The following DCC variants were observed in gnomAD, a reference collection of about 807,000 sequenced individuals.
The protein encoded by DCC is netrin receptor DCC.
DCC carries 58 observed loss-of-function variants against 172.5 expected under a neutral mutation model. That is an observed-to-expected ratio of 0.34 (90% CI 0.27 to 0.42). The LOEUF (loss-of-function observed/expected upper bound fraction) is 0.42. Ranked by LOEUF, DCC falls within the 10% of genes least tolerant of loss-of-function variation. DCC has a pLI of 1.00. For missense variants in DCC, 1,740 were observed against 1,791.0 expected, an observed-to-expected ratio of 0.97 and a Z score of 0.51; for synonymous variants, 709 against 644.5, an observed-to-expected ratio of 1.10 and a Z score of -1.52.
Position 52,642,939 on chromosome 18 carries a change from C to T in DCC, c.92-109115C>T, listed in dbSNP as rs77372979. Among the ~76,000 whole-genome samples, 1,435 of 152,316 alleles carry T rather than the reference C, an allele frequency of 9.4e-3. 23 individuals carry two copies. The highest frequency in any genetic ancestry group is 0.033 in the African/African-American group (1,379 of 41,580). On this transcript the variant is annotated intron_variant, in intron 1 of 28. Transcript: ENST00000442544. ...AAGTGCTGGGATTACAGGCATGAGA[C>T]GTTGCACCTAGCCCTAATAAGATTT...
chr18:53,422,124 A>T (rs1296882856), intron 21 of DCC, among the ~76,000 whole-genome samples: 1 of 152,172 alleles, frequency 6.6e-6, no homozygotes, highest in Non-Finnish European at 1.5e-5. Context: ...GTCTTGTGAG[A>T]CTAAACCCAA....
chr18:52,402,086 T>C (rs933342306), intron 1 of DCC, among the ~76,000 whole-genome samples: 6 of 151,984 alleles, frequency 3.9e-5, no homozygotes, highest in African/African-American at 1.4e-4. Flanking sequence ...CATGTACAAT[T>C]CAGTGCCCAT....
intron 1 of DCC, among the ~76,000 whole-genome samples, chr18:52,676,979 C>T (rs1327343316): frequency 6.6e-6 from 1 of 151,780 alleles, no homozygotes; most frequent in South Asian, 2.1e-4. Flanking sequence ...TGTTTTTTTT[C>T]CCCCAAACTA....
At chr18:52,695,409 G>A (rs1832370001) in intron 1 of DCC, among the ~76,000 whole-genome samples, 1 of 152,198 alleles carries the variant, frequency 6.6e-6, no homozygotes, top group African/African-American at 2.4e-5. Flanking sequence ...GGATGATAGA[G>A]AGGGTTGAAG....
chr18:52,881,858 G>A (rs1054468135), intron 2 of DCC, among the ~76,000 whole-genome samples: 1 of 152,050 alleles, frequency 6.6e-6, no homozygotes, highest in Non-Finnish European at 1.5e-5. Context: ...TGCTTTGATA[G>A]GGATTACATT....
At chr18:53,481,136 C>A (rs934920252) in intron 25 of DCC, 1 of 152,092 alleles carries the variant, frequency 6.6e-6, no homozygotes, top group Non-Finnish European at 1.5e-5. Flanking sequence ...TCTTTTTAAA[C>A]CTTATCTTAG....
At chr18:53,173,100 A>G (rs749656781) in intron 8 of DCC, among the ~76,000 whole-genome samples, 19 of 152,100 alleles carry the variant, frequency 1.2e-4, no homozygotes, top group Non-Finnish European at 2.1e-4. Context: ...AAGGCATACA[A>G]TTCTATTATG....
intron 1 of DCC, among the ~76,000 whole-genome samples, chr18:52,680,336 C>T (rs990669099): frequency 6.6e-6 from 1 of 152,114 alleles, no homozygotes; most frequent in Non-Finnish European, 1.5e-5. Flanking sequence ...CCCAGGAGTT[C>T]AACTTTCCAG....
intron 26 of DCC, among the ~76,000 whole-genome samples, chr18:53,498,580 G>T (rs936134098): frequency 2.7e-5 from 4 of 145,884 alleles, no homozygotes; most frequent in Non-Finnish European, 6.1e-5. Flanking sequence ...AAAAAAAGGT[G>T]TATTTCCATA....
At chr18:52,992,419 G>A (rs2041408248) in intron 5 of DCC, among the ~76,000 whole-genome samples, 1 of 152,124 alleles carries the variant, frequency 6.6e-6, no homozygotes, top group African/African-American at 2.4e-5. Context: ...ACCGTTTTGG[G>A]GAGATGAACA....
At chr18:53,152,342 T>A (rs1327705265) in intron 7 of DCC, among the ~76,000 whole-genome samples, 1 of 152,156 alleles carries the variant, frequency 6.6e-6, no homozygotes, top group Non-Finnish European at 1.5e-5. Flanking sequence ...AAATTCATGT[T>A]CATAAACACT....
At chr18:52,459,223 G>T (rs997124053) in intron 1 of DCC, among the ~76,000 whole-genome samples, 2 of 151,454 alleles carry the variant, frequency 1.3e-5, no homozygotes, top group Admixed American at 6.6e-5. Context: ...TTAGATTCAG[G>T]GGTACATGTG....
intron 5 of DCC, among the ~76,000 whole-genome samples, chr18:53,017,170 G>A (rs1446071625): frequency 6.6e-6 from 1 of 151,584 alleles, no homozygotes; most frequent in Non-Finnish European, 1.5e-5. Flanking sequence ...CCGCCTCCCG[G>A]GTTCACGCCA....
intron 9 of DCC, among the ~76,000 whole-genome samples, chr18:53,197,447 G>C (rs2055462317): frequency 8.0e-6 from 1 of 125,530 alleles, no homozygotes; most frequent in Non-Finnish European, 1.6e-5. Context: ...TTTTAACAGT[G>C]GCTGTTAAAT....
intron 2 of DCC, among the ~76,000 whole-genome samples, chr18:52,759,988 C>T (rs995370484): frequency 6.6e-6 from 1 of 152,144 alleles, no homozygotes. Context: ...ACTGGGGGAA[C>T]TTGAGTAAGG....
rs868864849 is a variant in DCC, at chr18:53,450,511, G to A, written c.3241G>A (p.Gly1081Arg). Residue 1081 changes from glycine (G) to arginine (R), a missense_variant, in exon 23 of 29, where the codon GGA becomes AGA. Physicochemically the swap from Gly to Arg is moderately radical, Grantham distance 125. Around this residue, in one of 2 missense-constraint regions of DCC, gnomAD observed 1,732 missense variants for 1,767.4 expected, o/e 0.98. Coordinates refer to ENST00000442544, the MANE Select transcript of DCC (RefSeq NM_005215.4). The part of the protein sequence containing the change: ...DRSTLNEPPI[G>R]QMHPPHGSVT... The stretch of plus-strand genomic sequence containing the variant: ...CTGTCTTTTCCCAGAGCCGCCAATT[G>A]GACAAATGCACCCCCCGCATGGCAG... The A allele has an allele frequency of 3.7e-6, 6 of 1,613,734 alleles. No individual in the cohort carries two copies. The highest frequency in any genetic ancestry group is 4.2e-6 in the Non-Finnish European group (5 of 1,179,964).
intron 1 of DCC, among the ~76,000 whole-genome samples, chr18:52,741,776 C>T (rs1378801952): frequency 1.3e-5 from 2 of 152,064 alleles, no homozygotes; most frequent in Non-Finnish European, 2.9e-5. Flanking sequence ...GGGGTGGGCT[C>T]GTCACACCTG....
intron 9 of DCC, among the ~76,000 whole-genome samples, chr18:53,193,857 C>CT (rs1190085964): frequency 6.6e-6 from 1 of 152,294 alleles, no homozygotes; most frequent in Non-Finnish European, 1.5e-5. Flanking sequence ...AAGGTAGGAT[C>CT]TTTTTTTCAT....
intron 27 of DCC, among the ~76,000 whole-genome samples, chr18:53,522,214 C>G (rs2046406365): frequency 1.3e-5 from 2 of 151,852 alleles, no homozygotes; most frequent in Non-Finnish European, 2.9e-5. Context: ...TTTTTAGTGG[C>G]TGCCTTCCTA....
Sources: gnomAD v4.1 joint callset for allele counts (sites outside exome capture counted in the v4.1 genomes callset) on GRCh38, gnomAD v4.1.1 for gene constraint, gnomAD v4.1.1 regional missense constraint, MANE v1.5 for transcripts, NCBI Gene and HGNC (gene_info 2026-07-23, HGNC 2026-07-21) for gene names.